Variants in MIGA1 observed in about 807,000 individuals in gnomAD.
MIGA1 encodes the protein family with sequence similarity 73, member A.
Under a neutral mutation model 82.0 loss-of-function variants are expected in MIGA1, and 58 were observed. The ratio of observed to expected loss-of-function variants is 0.71; its 90% CI spans 0.57 to 0.88. MIGA1 has a LOEUF of 0.88. Ranked by LOEUF, MIGA1 falls within the 40% of genes least tolerant of loss-of-function variation. MIGA1 has a pLI of 0.00. For synonymous variants in MIGA1, 249 were observed against 253.6 expected (o/e 0.98, Z 0.17); for missense variants, 751 against 749.1 (o/e 1.00, Z -0.03).
intron 1 of MIGA1, among the ~76,000 whole-genome samples, chr1:77,782,083 C>T (rs561305613): frequency 2.4e-4 from 37 of 152,112 alleles, no homozygotes; most frequent in African/African-American, 8.9e-4. Flanking sequence ...CCACCCATCT[C>T]GGCCTCCCAA....
intron 5 of MIGA1, among the ~76,000 whole-genome samples, chr1:77,813,384 G>A (rs1683431734): frequency 6.6e-6 from 1 of 152,052 alleles, no homozygotes; most frequent in Non-Finnish European, 1.5e-5. Flanking sequence ...AATTTACAGG[G>A]ATATTTTGAA....
chr1:77,869,336 C>G (rs1571021313), intron 14 of MIGA1, among the ~76,000 whole-genome samples: 1 of 147,090 alleles, frequency 6.8e-6, no homozygotes, highest in African/African-American at 2.5e-5. Flanking sequence ...TCTCCCATGT[C>G]TACTTCTATC....
intron 2 of MIGA1, among the ~76,000 whole-genome samples, chr1:77,788,594 G>A (rs1395880843): frequency 7.9e-5 from 12 of 151,990 alleles, no homozygotes; most frequent in Admixed American, 7.9e-4. Flanking sequence ...AGCTTCTTAG[G>A]GTTTTAGGAC....
At chr1:77,866,729 G>T (rs1482169898) in intron 14 of MIGA1, among the ~76,000 whole-genome samples, 1 of 149,144 alleles carries the variant, frequency 6.7e-6, no homozygotes, top group African/African-American at 2.5e-5. Context: ...TGTTGTCCAG[G>T]CTGGAGTGTG....
chr1:77,857,332 T>TG (rs1408751148), intron 8 of MIGA1, among the ~76,000 whole-genome samples: 1 of 151,988 alleles, frequency 6.6e-6, no homozygotes, highest in African/African-American at 2.4e-5. Flanking sequence ...GTTTTTTTTT[T>TG]TTTGTTTTTG....
In MIGA1 at chr1:77,779,741, A is replaced by C; in HGVS notation, c.81+5A>C. Reference sequence around the variant, plus strand: ...GTACCTGGCCTGGAGCTCCAGGTACAGGGCCAGGGGCGGGGTGGGGTGGAG... The same window carrying C: ...GTACCTGGCCTGGAGCTCCAGGTACCGGGCCAGGGGCGGGGTGGGGTGGAG... On this transcript the variant is annotated splice_donor_5th_base_variant and intron_variant, in intron 1 of 15. Transcript: ENST00000370791. 2 of 1,421,130 alleles carry C rather than the reference A, an allele frequency of 1.4e-6. No homozygotes were observed. Among genetic ancestry groups the C allele is most frequent in the Non-Finnish European group, 1.9e-6 (2 of 1,053,984 alleles). The allele number at this position is 1,421,130 out of a possible 1,614,324, so 88.0% of individuals were successfully genotyped here.
At chr1:77,810,901 G>T in intron 5 of MIGA1, 1 of 1,611,826 alleles carries the variant, frequency 6.2e-7, no homozygotes. Context: ...AAGATAAAGT[G>T]GTTTCTTGGT....
intron 7 of MIGA1, among the ~76,000 whole-genome samples, chr1:77,821,176 A>G (rs1683793594): frequency 6.6e-6 from 1 of 152,028 alleles, no homozygotes; most frequent in Non-Finnish European, 1.5e-5. Context: ...TTATAATAAT[A>G]GAGTCTAAGG....
chr1:77,797,467 C>T (rs1334831393), intron 2 of MIGA1, among the ~76,000 whole-genome samples: 2 of 152,036 alleles, frequency 1.3e-5, no homozygotes, highest in East Asian at 1.9e-4. Context: ...GTTTTGGTTC[C>T]TCTAGTTCTT....
chr1:77,869,866 T>C (rs1209715003), intron 14 of MIGA1, among the ~76,000 whole-genome samples: 1 of 107,404 alleles, frequency 9.3e-6, no homozygotes, highest in Non-Finnish European at 1.9e-5. Flanking sequence ...GGCGGGGGGC[T>C]GATCCCCCCA....
chr1:77,819,081 A>C (rs1251446041), intron 7 of MIGA1, among the ~76,000 whole-genome samples: 23 of 136,076 alleles, frequency 1.7e-4, no homozygotes, highest in South Asian at 1.0e-3. Flanking sequence ...ACTCTGTCCC[A>C]AAAAAAAAAA....
chr1:77,807,644 A>G (rs1284171945), intron 5 of MIGA1, among the ~76,000 whole-genome samples: 3 of 152,190 alleles, frequency 2.0e-5, no homozygotes, highest in Admixed American at 6.5e-5. Flanking sequence ...CTGGGCTGAA[A>G]TCAATATGTC....
At chr1:77,818,830 A>G (rs556603115) in intron 7 of MIGA1, among the ~76,000 whole-genome samples, 2 of 152,134 alleles carry the variant, frequency 1.3e-5, no homozygotes, top group Non-Finnish European at 2.9e-5. Context: ...CTGTAATTCC[A>G]GCACTTTGGG....
intron 7 of MIGA1, among the ~76,000 whole-genome samples, chr1:77,817,211 C>G (rs537114905): frequency 6.6e-6 from 1 of 152,102 alleles, no homozygotes; most frequent in African/African-American, 2.4e-5. Flanking sequence ...TCCTTGGGTA[C>G]AGTCTCAGAG....
chr1:77,845,306 G>A (rs955663962), intron 8 of MIGA1, among the ~76,000 whole-genome samples: 1 of 151,960 alleles, frequency 6.6e-6, no homozygotes, highest in African/African-American at 2.4e-5. Context: ...ATACATATTT[G>A]TCTTTCTATT....
intron 2 of MIGA1, among the ~76,000 whole-genome samples, chr1:77,792,255 G>A (rs1426579267): frequency 2.6e-5 from 4 of 152,196 alleles, no homozygotes; most frequent in African/African-American, 9.7e-5. Flanking sequence ...GGACTATCTC[G>A]AATTATTGTC....
At chr1:77,870,252 T>C (rs748373642) in intron 14 of MIGA1, among the ~76,000 whole-genome samples, 1 of 101,592 alleles carries the variant, frequency 9.8e-6, no homozygotes, top group Non-Finnish European at 2.1e-5. Context: ...CCGGTCGGGG[T>C]GGCTGCCGGG....
intron 1 of MIGA1, among the ~76,000 whole-genome samples, chr1:77,781,299 C>T (rs181084147): frequency 3.9e-5 from 6 of 152,264 alleles, no homozygotes; most frequent in East Asian, 1.9e-4. Context: ...ATTTGGAATG[C>T]TCCATTATAG....
Position 77,863,877 on chromosome 1 carries a change from C to G in MIGA1, c.1375-17C>G. On this transcript the variant is annotated splice_polypyrimidine_tract_variant and intron_variant, in intron 12 of 15. Coordinates refer to ENST00000370791, the MANE Select transcript of MIGA1 (RefSeq NM_198549.4). ...TATGTAATAATAATTTCTGTTTCAA[C>G]TCATAATTTAATGCAGGTGAAAAAT... The G allele has an allele frequency of 6.7e-7, 1 of 1,496,974 alleles. No individual in the cohort carries two copies. The highest frequency in any genetic ancestry group is 9.1e-7 in the Non-Finnish European group (1 of 1,103,792). 92.7% of individuals were successfully genotyped at this position (1,496,974 alleles called of 1,614,324 possible). A position where few individuals can be genotyped will look rare whatever the true frequency, so the allele number is the denominator to read the frequency against.
Sources: allele counts gnomAD v4.1 joint callset (sites outside exome capture counted in the v4.1 genomes callset), GRCh38; gene constraint gnomAD v4.1.1; transcripts MANE v1.5; gene names NCBI Gene and HGNC (gene_info 2026-07-23, HGNC 2026-07-21).